Variants in SVOP observed in about 807,000 individuals in gnomAD.
SVOP encodes the protein SV2 related protein, also known as synaptic vesicle 2-related protein.
SVOP carries 17 observed loss-of-function variants against 69.1 expected under a neutral mutation model. The ratio of observed to expected loss-of-function variants is 0.25; its 90% CI spans 0.17 to 0.37. The LOEUF (loss-of-function observed/expected upper bound fraction) is 0.37. Ranked by LOEUF, SVOP falls within the 10% of genes least tolerant of loss-of-function variation. The pLI is 1.00. For missense variants in SVOP, 435 were observed against 597.5 expected (o/e 0.73, Z 2.84); for synonymous variants, 238 against 238.6 (o/e 1.00, Z 0.02).
intron 1 of SVOP, among the ~76,000 whole-genome samples, chr12:109,010,144 T>A (rs556892123): frequency 1.4e-3 from 172 of 118,916 alleles, no homozygotes; most frequent in East Asian, 5.3e-3. Context: ...AAAAAAAAAA[T>A]TTTTTTTTAA....
chr12:108,997,059 C>G lies in SVOP; in HGVS notation c.36-13298G>C, dbSNP rs1407528290. On this transcript the variant is annotated intron_variant, in intron 1 of 15. Transcript: ENST00000610966. ...TTTCCATCTGAGGTACCGGGTTCAT[C>G]TCACTAGGGAGTGCCAGACAGTGGG... 1.1e-4 allele frequency among the ~76,000 whole-genome samples: 16 copies of G among 152,206 alleles called. 1 individual carries two copies. Among genetic ancestry groups the G allele is most frequent in the African/African-American group, 3.9e-4 (16 of 41,454 alleles).
At chr12:108,937,664 T>C (rs144913316) in intron 9 of SVOP, among the ~76,000 whole-genome samples, 2 of 151,894 alleles carry the variant, frequency 1.3e-5, no homozygotes, top group African/African-American at 4.8e-5. Flanking sequence ...AGAAAACCAG[T>C]CCAAAGCATG....
rs2039688797 is a variant in SVOP at position 108,912,240 on chromosome 12, G to T, written c.*295C>A. On this transcript the variant is annotated 3_prime_UTR_variant, in exon 16 of 16. Coordinates refer to ENST00000610966, the MANE Select transcript of SVOP (RefSeq NM_018711.5). The stretch of plus-strand genomic sequence containing the variant: ...GGTGACTCTGGGTGGTGTCTGATTG[G>T]TTGCTGGCATTACCAGACCCTCCTA... The T allele has an allele frequency of 7.8e-7, 1 of 1,276,020 alleles. No individual in the cohort carries two copies. The highest frequency in any genetic ancestry group is 3.6e-5 in the Admixed American group (1 of 27,846). The allele number at this position is 1,276,020 out of a possible 1,614,324, so 79.0% of individuals were successfully genotyped here.
intron 1 of SVOP, among the ~76,000 whole-genome samples, chr12:109,014,726 T>C (rs1332006643): frequency 6.6e-6 from 1 of 152,172 alleles, no homozygotes; most frequent in African/African-American, 2.4e-5. Flanking sequence ...TTTTTTGGTC[T>C]TTCTTTCTTT....
intron 10 of SVOP, among the ~76,000 whole-genome samples, chr12:108,935,611 T>C (rs550148883): frequency 6.6e-6 from 1 of 152,328 alleles, no homozygotes; most frequent in South Asian, 2.1e-4. Context: ...TTCCCTGTAA[T>C]TGACCACCTT....
intron 7 of SVOP, 22 bp downstream of exon 7, chr12:108,945,081 C>A (rs1443495276): frequency 1.3e-6 from 2 of 1,536,464 alleles, no homozygotes; most frequent in Non-Finnish European, 1.7e-6. Context: ...GCTCTAGAGA[C>A]CCAGGCCGCT....
chr12:108,955,852 T>A (rs755643987), intron 6 of SVOP, among the ~76,000 whole-genome samples: 6 of 152,112 alleles, frequency 3.9e-5, no homozygotes, highest in Non-Finnish European at 5.9e-5. Context: ...AGGGACCCCA[T>A]GAGGTGGGGA....
intron 6 of SVOP, among the ~76,000 whole-genome samples, chr12:108,947,359 C>T (rs1256655540): frequency 6.6e-6 from 1 of 152,128 alleles, no homozygotes; most frequent in Non-Finnish European, 1.5e-5. Flanking sequence ...CTATCTATCT[C>T]TATCTTACTT....
chr12:108,915,778 C>A lies in SVOP; in HGVS notation c.1440+5G>T. 1 of 1,600,166 alleles carries A rather than the reference C, an allele frequency of 6.2e-7. No homozygotes were observed. The highest frequency in any genetic ancestry group is 2.3e-5 in the East Asian group (1 of 44,036). ...CATCCCTCTGTATTTGGGGGCAGCACCTACCTGGGCGATGAACGGAGTGAT... is the reference window on the plus strand; with the variant it reads ...CATCCCTCTGTATTTGGGGGCAGCAACTACCTGGGCGATGAACGGAGTGAT... On this transcript the variant is annotated splice_donor_5th_base_variant and intron_variant, in intron 15 of 15. Transcript: ENST00000610966.
At chr12:108,974,585 G>T (rs1370747105) in intron 4 of SVOP, among the ~76,000 whole-genome samples, 1 of 152,060 alleles carries the variant, frequency 6.6e-6, no homozygotes, top group African/African-American at 2.4e-5. Flanking sequence ...AAAAAAATTA[G>T]CTGGGCATGG....
chr12:108,975,732 C>A (rs1593196706), intron 4 of SVOP, among the ~76,000 whole-genome samples: 1 of 152,148 alleles, frequency 6.6e-6, no homozygotes, highest in East Asian at 1.9e-4. Context: ...GATGGAGTGT[C>A]ACTCTGTCAC....
Position 108,924,790 on chromosome 12 carries a change from C to T in SVOP, c.1049-1993G>A, listed in dbSNP as rs573451344. Among the ~76,000 whole-genome samples, 6 of 152,310 alleles carry T rather than the reference C, an allele frequency of 3.9e-5. No individual in the cohort carries two copies. The East Asian group carries it at 1.2e-3, about 29-fold the overall frequency. ...GGTTCCCTATAGAAACTAAAGATAA[C>T]ATCTTAACATATGTCCCTGAGTTGG... On this transcript the variant is annotated intron_variant, in intron 11 of 15. Transcript: ENST00000610966.
chr12:108,921,196 AT>A (rs1409493949), intron 12 of SVOP, among the ~76,000 whole-genome samples: 1 of 152,212 alleles, frequency 6.6e-6, no homozygotes, highest in African/African-American at 2.4e-5. Context: ...GAGATTGCAA[AT>A]GCTGAGTTTA....
chr12:108,951,885 C>T (rs181627801), intron 6 of SVOP, among the ~76,000 whole-genome samples: 24 of 152,308 alleles, frequency 1.6e-4, no homozygotes, highest in Admixed American at 1.2e-3. Context: ...ATCAAGAGTT[C>T]ATTTTCCCCT....
chr12:108,935,955 C>A (rs763647366), intron 10 of SVOP, among the ~76,000 whole-genome samples: 1 of 151,874 alleles, frequency 6.6e-6, no homozygotes, highest in Non-Finnish European at 1.5e-5. Flanking sequence ...AAAATACGTG[C>A]CACATGCCAC....
chr12:108,946,721 T>TTAG (rs1351417929), intron 6 of SVOP, among the ~76,000 whole-genome samples: 1 of 143,156 alleles, frequency 7.0e-6, no homozygotes, highest in Non-Finnish European at 1.5e-5. Context: ...ATTATTATTA[T>TTAG]TATTATTATT....
intron 15 of SVOP, 43 bp downstream of exon 15, chr12:108,915,740 T>C: frequency 6.5e-7 from 1 of 1,548,284 alleles, no homozygotes; most frequent in Admixed American, 1.9e-5. Flanking sequence ...ATGCATGGGG[T>C]TTTGTCACCC....
At chr12:109,007,077 T>C (rs1380516787) in intron 1 of SVOP, among the ~76,000 whole-genome samples, 2 of 152,118 alleles carry the variant, frequency 1.3e-5, no homozygotes, top group Admixed American at 6.6e-5. Flanking sequence ...CTCTTCCAAA[T>C]AGTACAAGAA....
At chr12:108,994,589 C>T (rs1055658442) in intron 1 of SVOP, among the ~76,000 whole-genome samples, 2 of 152,188 alleles carry the variant, frequency 1.3e-5, no homozygotes, top group Non-Finnish European at 2.9e-5. Context: ...ATTTAATACG[C>T]ATTTTCACTA....
Sources: allele counts gnomAD v4.1 joint callset (sites outside exome capture counted in the v4.1 genomes callset), GRCh38; gene constraint gnomAD v4.1.1; transcripts MANE v1.5; gene names NCBI Gene and HGNC (gene_info 2026-07-23, HGNC 2026-07-21).